The following NBN variants were observed in gnomAD, a reference collection of about 807,000 sequenced individuals.
NBN encodes nibrin, also known as Nijmegen breakage syndrome 1 (nibrin).
A neutral mutation model predicts 90.8 loss-of-function variants in NBN; 88 were observed. The ratio of observed to expected loss-of-function variants is 0.97; its 90% CI spans 0.82 to 1.16. NBN has a LOEUF of 1.16. Ranked by LOEUF, NBN falls within the 50% of genes most tolerant of loss-of-function variation. NBN has a pLI of 0.00. For missense variants in NBN, 894 were observed against 869.6 expected, an observed-to-expected ratio of 1.03 and a Z score of -0.35; for synonymous variants, 328 against 295.1, an observed-to-expected ratio of 1.11 and a Z score of -1.14.
chr8:89,982,761 A>G lies in NBN; in HGVS notation c.132T>C (p.Asn44=). ...AAAAGTTAGCAGTTAACACAGCATG[A>G]TTTCGGCTGATCGACTGATCATTTT... ...LIENDQSISR[N]HAVLTANFSV... is the part of the protein sequence containing the mutation. The change falls in exon 2 of 16, where the codon AAT becomes AAC. Residue 44 remains asparagine (N), a synonymous_variant. Transcript: ENST00000265433. The G allele has an allele frequency of 6.2e-7, 1 of 1,614,046 alleles. No homozygotes were observed. Among genetic ancestry groups the G allele is most frequent in the South Asian group, 1.1e-5 (1 of 91,080 alleles).
chr8:89,937,713 C>T (rs1809757573), intron 14 of NBN, among the ~76,000 whole-genome samples: 1 of 152,224 alleles, frequency 6.6e-6, no homozygotes, highest in South Asian at 2.1e-4. Flanking sequence ...TTGCATTTGA[C>T]CCGCTGAAAT....
At chr8:89,970,656 C>G (rs1394014216) in intron 6 of NBN, 99 bp from the exon 7 acceptor site, 7 of 1,170,726 alleles carry the variant, frequency 6.0e-6, no homozygotes, top group African/African-American at 4.6e-5. Flanking sequence ...TTCAAGAAGA[C>G]TTGGTGCTAC....
At chr8:89,974,958 G>C (rs1340090955) in intron 5 of NBN, among the ~76,000 whole-genome samples, 1 of 152,110 alleles carries the variant, frequency 6.6e-6, no homozygotes, top group Non-Finnish European at 1.5e-5. Flanking sequence ...CCTACAACAT[G>C]AGAGACTTTG....
At chr8:89,955,224 C>T (rs1810639872) in intron 10 of NBN, 59 bp downstream of exon 10, 1 of 1,485,754 alleles carries the variant, frequency 6.7e-7, no homozygotes, top group African/African-American at 1.4e-5. Context: ...CATTCTACAA[C>T]AGTATAAAAA....
chr8:89,959,417 T>C (rs930437060), intron 8 of NBN, among the ~76,000 whole-genome samples: 5 of 152,192 alleles, frequency 3.3e-5, no homozygotes, highest in African/African-American at 1.2e-4. Context: ...CTGAATTAAG[T>C]GCTCTCCAAT....
chr8:89,957,760 A>G (rs1810792985), intron 9 of NBN, among the ~76,000 whole-genome samples: 2 of 152,184 alleles, frequency 1.3e-5, no homozygotes, highest in South Asian at 4.1e-4. Flanking sequence ...GTACAGTAAC[A>G]TGCCATATAA....
In NBN at chr8:89,958,743, G is replaced by C. The variant is rs2129744741; in HGVS notation, c.1106C>G (p.Ser369Ter). ...NTTTYVADTE[S>*]EQADTWDLSE... ...GCTTTACCATGTATCTGCTTGCTCT[G>C]ATTCTGTGTCAGCTACGTATGTTGT... The change falls in exon 9 of 16, where the codon TCA becomes TGA. Residue 369 changes from serine to a stop codon, truncating the protein, a stop_gained. Coordinates refer to ENST00000265433, the MANE Select transcript of NBN (RefSeq NM_002485.5). LOFTEE classifies it high-confidence loss of function. 3 of 1,614,058 alleles carry C rather than the reference G, an allele frequency of 1.9e-6. No individual in the cohort carries two copies. The highest frequency in any genetic ancestry group is 2.5e-6 in the Non-Finnish European group (3 of 1,179,958).
intron 5 of NBN, among the ~76,000 whole-genome samples, chr8:89,977,125 C>G (rs373304275): frequency 1.3e-5 from 2 of 151,998 alleles, no homozygotes; most frequent in South Asian, 4.2e-4. Context: ...CATAGGTATC[C>G]ATGTGCCATG....
At chr8:89,951,040 G>A (rs1464908730) in intron 11 of NBN, among the ~76,000 whole-genome samples, 1 of 152,040 alleles carries the variant, frequency 6.6e-6, no homozygotes, top group Non-Finnish European at 1.5e-5. Context: ...TGGGGTGGGG[G>A]TAGCTACTTA....
At chr8:89,973,866 A>G in intron 5 of NBN, among the ~76,000 whole-genome samples, 1 of 151,194 alleles carries the variant, frequency 6.6e-6, no homozygotes, top group East Asian at 2.0e-4. Flanking sequence ...TATCATTAAA[A>G]AATTAAAATG....
chr8:89,968,070 C>A (rs866200115), intron 7 of NBN, among the ~76,000 whole-genome samples: 10 of 152,078 alleles, frequency 6.6e-5, no homozygotes, highest in Non-Finnish European at 1.3e-4. Context: ...CCAGCCTGGG[C>A]AACATGGCAA....
At chr8:89,979,653 CAA>C (rs539780873) in intron 4 of NBN, among the ~76,000 whole-genome samples, 1 of 143,758 alleles carries the variant, frequency 7.0e-6, no homozygotes. Context: ...GAAAATTTAC[CAA>C]AAAAAAAAAT....
intron 8 of NBN, among the ~76,000 whole-genome samples, chr8:89,959,119 A>T (rs537565790): frequency 6.6e-6 from 1 of 152,338 alleles, no homozygotes; most frequent in East Asian, 1.9e-4. Flanking sequence ...AAAGAAAAAT[A>T]AAATAAGCAA....
intron 1 of NBN, among the ~76,000 whole-genome samples, chr8:89,983,673 T>A (rs1307763252): frequency 6.6e-6 from 1 of 152,154 alleles, no homozygotes; most frequent in African/African-American, 2.4e-5. Context: ...TTGCTGTAAA[T>A]CATAAGTTGT....
chr8:89,949,741 C>T (rs1300867432), intron 11 of NBN, among the ~76,000 whole-genome samples: 1 of 152,128 alleles, frequency 6.6e-6, no homozygotes, highest in East Asian at 1.9e-4. Flanking sequence ...TGAAATATAG[C>T]TAGGGATTCC....
chr8:89,973,168 C>T (rs1393257784), intron 5 of NBN, among the ~76,000 whole-genome samples: 1 of 152,170 alleles, frequency 6.6e-6, no homozygotes, highest in Non-Finnish European at 1.5e-5. Context: ...CTTTTTTTGG[C>T]TCATCATTAT....
rs1225178489 is a variant in NBN at position 89,970,428 on chromosome 8, A to C, written c.832T>G (p.Ser278Ala). 4 of 1,614,036 alleles carry C rather than the reference A, an allele frequency of 2.5e-6. No individual in the cohort carries two copies. In the Admixed American group the frequency reaches 5.0e-5, roughly 20 times the overall value. The change falls in exon 7 of 16, where the codon TCA becomes GCA. Residue 278 changes from serine to alanine, a missense_variant. Physicochemically the swap from Ser to Ala is moderately conservative, Grantham distance 99. Coordinates refer to ENST00000265433, the MANE Select transcript of NBN (RefSeq NM_002485.5). ...TCVVDTGITNSQTLIPDCQKK... is the reference protein window; with the variant it reads ...TCVVDTGITNAQTLIPDCQKK... ...TGACAGTCAGGAATTAAGGTCTGTG[A>C]GTTTGTTATTCCTGTATCAACAACA...
rs749276965 is a variant in NBN, at chr8:89,943,351, C to T, written c.2086G>A (p.Ala696Thr). Reference protein sequence around the residue: ...KKFKKVTYPGAGKLPHIIGGS... With the variant: ...KKFKKVTYPGTGKLPHIIGGS... ...CCAATGATGTGTGGAAGTTTTCCTG[C>T]TCCAGGATATGTGACCTATTGAATA... Residue 696 changes from alanine to threonine, a missense_variant, in exon 14 of 16, where the codon GCA (alanine) becomes ACA (threonine). By Grantham distance (58) the Ala-to-Thr change is moderately conservative. Transcript: ENST00000265433. 5 of 1,605,126 alleles carry T rather than the reference C, an allele frequency of 3.1e-6. No homozygotes were observed. Among genetic ancestry groups the T allele is most frequent in the Non-Finnish European group, 8.5e-7 (1 of 1,171,996 alleles).
intron 11 of NBN, among the ~76,000 whole-genome samples, chr8:89,949,152 A>G (rs1810330481): frequency 6.6e-6 from 1 of 152,230 alleles, no homozygotes; most frequent in African/African-American, 2.4e-5. Context: ...GTGAAAGCTA[A>G]CAAAAGGATC....
Sources: gnomAD v4.1 joint callset for allele counts (sites outside exome capture counted in the v4.1 genomes callset) on GRCh38, gnomAD v4.1.1 for gene constraint, MANE v1.5 for transcripts, NCBI Gene and HGNC (gene_info 2026-07-23, HGNC 2026-07-21) for gene names.